The following ZZEF1 variants were observed in gnomAD, a reference collection of about 807,000 sequenced individuals.
The protein encoded by ZZEF1 is zinc finger ZZ-type and EF-hand domain-containing protein 1.
A neutral mutation model predicts 342.8 loss-of-function variants in ZZEF1; 157 were observed. The ratio of observed to expected loss-of-function variants is 0.46; its 90% CI spans 0.40 to 0.52. The LOEUF (loss-of-function observed/expected upper bound fraction) is 0.52. Ranked by LOEUF, ZZEF1 falls within the 20% of genes least tolerant of loss-of-function variation. The pLI is 0.00. For synonymous variants in ZZEF1, 1,505 were observed against 1,429.1 expected (o/e 1.05, Z -1.20); for missense variants, 3,480 against 3,725.6 (o/e 0.93, Z 1.72).
chr17:4,057,452 C>A (rs1281916798), intron 32 of ZZEF1, among the ~76,000 whole-genome samples: 1 of 152,116 alleles, frequency 6.6e-6, no homozygotes, highest in Non-Finnish European at 1.5e-5. Context: ...CATGAATGGC[C>A]ACGAATAGGG....
At chr17:4,079,520 A>C (rs1427879309) in intron 18 of ZZEF1, among the ~76,000 whole-genome samples, 1 of 152,246 alleles carries the variant, frequency 6.6e-6, no homozygotes, top group Non-Finnish European at 1.5e-5. Flanking sequence ...AGAGATGGGC[A>C]GAAGAGTCTG....
At chr17:4,087,297 A>G (rs1296816727) in intron 14 of ZZEF1, 137 bp downstream of exon 14, 1 of 626,118 alleles carries the variant, frequency 1.6e-6, no homozygotes, top group Non-Finnish European at 2.7e-6. Flanking sequence ...ATTTTCAATA[A>G]TAACCATATA....
chr17:4,074,057 G>A, intron 24 of ZZEF1, 93 bp downstream of exon 24: 2 of 1,375,700 alleles, frequency 1.5e-6, no homozygotes, highest in Non-Finnish European at 1.0e-6. Flanking sequence ...TTAACCCCCT[G>A]CCATTACGTG....
Position 4,064,726 on chromosome 17 carries a change from A to C in ZZEF1, c.4353T>G (p.Ser1451Arg), listed in dbSNP as rs2057357165. Residue 1451 changes from serine to arginine, a missense_variant, in exon 29 of 55, where the codon AGT (serine) becomes AGG (arginine). Physicochemically the swap from Ser to Arg is moderately radical, Grantham distance 110 (BLOSUM62 -1). Around this residue, in one of 5 missense-constraint regions of ZZEF1, gnomAD observed 1,528 missense variants for 1,624.1 expected, o/e 0.94. Coordinates refer to ENST00000381638, the MANE Select transcript of ZZEF1 (RefSeq NM_015113.4). ...GACGCTTGTTGAGTGGCTGGAGATG[A>C]CTGGTTTCATCAGCAGTCTCCAACT... ...CEKLETADET[S>R]HLQPLNKRQR... is the part of the protein sequence containing the mutation. 6.2e-7 allele frequency: 1 copy of C among 1,614,032 alleles called. No individual in the cohort carries two copies. Among genetic ancestry groups the C allele is most frequent in the Non-Finnish European group, 8.5e-7 (1 of 1,180,040 alleles).
At chr17:4,139,670 A>C (rs908893757) in intron 1 of ZZEF1, among the ~76,000 whole-genome samples, 5 of 152,246 alleles carry the variant, frequency 3.3e-5, no homozygotes, top group Admixed American at 1.3e-4. Flanking sequence ...TAGTTCTTAC[A>C]GACAGAGCAG....
At chr17:4,046,820 C>T (rs989868085) in intron 37 of ZZEF1, among the ~76,000 whole-genome samples, 5 of 152,188 alleles carry the variant, frequency 3.3e-5, no homozygotes, top group Non-Finnish European at 7.3e-5. Flanking sequence ...CTGGATGATG[C>T]CTCTGGCTAA....
intron 14 of ZZEF1, among the ~76,000 whole-genome samples, chr17:4,087,013 C>T (rs1416647130): frequency 6.6e-6 from 1 of 152,164 alleles, no homozygotes; most frequent in Non-Finnish European, 1.5e-5. Flanking sequence ...TCCCAAGTAG[C>T]TGAGATTACA....
chr17:4,115,014 C>T (rs1387098112), intron 3 of ZZEF1, among the ~76,000 whole-genome samples: 1 of 151,818 alleles, frequency 6.6e-6, no homozygotes, highest in Non-Finnish European at 1.5e-5. Flanking sequence ...TACTATAACC[C>T]ACGTGCTTTT....
chr17:4,059,672 C>G (rs1334061254), intron 30 of ZZEF1, among the ~76,000 whole-genome samples: 1 of 152,198 alleles, frequency 6.6e-6, no homozygotes, highest in African/African-American at 2.4e-5. Flanking sequence ...TTGGCACCAG[C>G]CTCACTGTCT....
At chr17:4,139,031 A>G (rs1420001832) in intron 1 of ZZEF1, among the ~76,000 whole-genome samples, 1 of 143,784 alleles carries the variant, frequency 7.0e-6, no homozygotes, top group Non-Finnish European at 1.5e-5. Context: ...AGGAATGTGA[A>G]AGCAAGACAG....
chr17:4,061,001 C>A (rs1023893466), intron 30 of ZZEF1, among the ~76,000 whole-genome samples: 2 of 152,218 alleles, frequency 1.3e-5, no homozygotes, highest in Admixed American at 6.5e-5. Flanking sequence ...CTCAGTTGAC[C>A]TCACATCGCC....
intron 30 of ZZEF1, among the ~76,000 whole-genome samples, 176 bp downstream of exon 30, chr17:4,062,577 A>C (rs567855600): frequency 4.6e-5 from 7 of 152,362 alleles, no homozygotes; most frequent in Non-Finnish European, 8.8e-5. Flanking sequence ...TGTTCCCGGC[A>C]GTTACATATT....
chr17:4,087,355 GAAAA>G (rs933782462), intron 14 of ZZEF1, 75 bp downstream of exon 14: 2 of 1,217,454 alleles, frequency 1.6e-6, no homozygotes, highest in Admixed American at 5.0e-5. Flanking sequence ...AAAAAATTAG[GAAAA>G]AAATCCACTT....
chr17:4,095,958 C>A lies in ZZEF1; in HGVS notation c.1786G>T (p.Ala596Ser). The A allele has an allele frequency of 6.2e-7, 1 of 1,610,974 alleles. No individual in the cohort carries two copies. The highest frequency in any genetic ancestry group is 8.5e-7 in the Non-Finnish European group (1 of 1,178,078). ...RIMVRRGGIG[A>S]QCGLVFAYNS... is the part of the protein sequence containing the mutation. ...TAGGCAAACACCAACCCACACTGGG[C>A]ACCAATGCCACCACGTCGAACCTGG... The change falls in exon 11 of 55, where the codon GCC becomes TCC. Residue 596 changes from alanine (A) to serine (S), a missense_variant. Transcript: ENST00000381638.
intron 39 of ZZEF1, among the ~76,000 whole-genome samples, 166 bp from the exon 40 acceptor site, chr17:4,034,458 C>A (rs2056618072): frequency 6.6e-6 from 1 of 152,088 alleles, no homozygotes; most frequent in Non-Finnish European, 1.5e-5. Flanking sequence ...AAATAAACAT[C>A]CTCAGCTCTC....
chr17:4,045,332 TTC>T (rs2056891339), intron 37 of ZZEF1, among the ~76,000 whole-genome samples: 1 of 151,454 alleles, frequency 6.6e-6, no homozygotes, highest in Non-Finnish European at 1.5e-5. Context: ...AGCTATGAAA[TTC>T]TTTCTTTCTT....
chr17:4,044,833 T>C (rs2056878582), intron 37 of ZZEF1, among the ~76,000 whole-genome samples: 1 of 152,176 alleles, frequency 6.6e-6, no homozygotes, highest in South Asian at 2.1e-4. Flanking sequence ...ACTCATTTCT[T>C]ATGGTAAATC....
intron 21 of ZZEF1, chr17:4,076,354 C>G (rs560237471): frequency 5.0e-6 from 1 of 199,502 alleles, no homozygotes; most frequent in Non-Finnish European, 1.0e-5. Flanking sequence ...AGGATGGTCT[C>G]GATCTCCTGA....
At chr17:4,056,872 C>T (rs1432726420) in intron 32 of ZZEF1, 1 of 151,964 alleles carries the variant, frequency 6.6e-6, no homozygotes, top group Non-Finnish European at 1.5e-5. Flanking sequence ...GGTATGGCCA[C>T]AGTTTCCTCA....
Sources: allele counts gnomAD v4.1 joint callset (sites outside exome capture counted in the v4.1 genomes callset), GRCh38; gene constraint gnomAD v4.1.1; regional missense constraint gnomAD v4.1.1; transcripts MANE v1.5; gene names NCBI Gene and HGNC (gene_info 2026-07-23, HGNC 2026-07-21).